Variants in MACROD2 observed in about 807,000 individuals in gnomAD.
MACROD2 encodes the protein ADP-ribose glycohydrolase MACROD2.
In MACROD2, 36 loss-of-function variants were observed where a neutral mutation model predicts 70.4. That is an observed-to-expected ratio of 0.51 (90% CI 0.39 to 0.68). The LOEUF is 0.68. MACROD2 is among the 30% of genes least tolerant of loss of function. MACROD2 has a pLI of 0.00. For missense variants in MACROD2, 496 were observed against 538.4 expected, an observed-to-expected ratio of 0.92 and a Z score of 0.78; for synonymous variants, 172 against 178.8, an observed-to-expected ratio of 0.96 and a Z score of 0.30.
chr20:15,699,296 T>C (rs2050421257), intron 8 of MACROD2, among the ~76,000 whole-genome samples: 1 of 152,190 alleles, frequency 6.6e-6, no homozygotes, highest in East Asian at 1.9e-4. Flanking sequence ...TCTCCCTCTC[T>C]TCCTGTGGAT....
At chr20:15,081,251 C>A (rs1030299611) in intron 5 of MACROD2, among the ~76,000 whole-genome samples, 1 of 152,076 alleles carries the variant, frequency 6.6e-6, no homozygotes, top group Admixed American at 6.6e-5. Context: ...GGAACACAGC[C>A]ATGCTCATTT....
intron 8 of MACROD2, among the ~76,000 whole-genome samples, chr20:15,669,998 C>G (rs1311359531): frequency 1.3e-5 from 2 of 152,158 alleles, no homozygotes; most frequent in Non-Finnish European, 2.9e-5. Flanking sequence ...CTTTTATTAC[C>G]CTCATTTTAG....
intron 5 of MACROD2, among the ~76,000 whole-genome samples, chr20:14,861,986 T>C (rs1340363992): frequency 1.5e-5 from 1 of 65,668 alleles, no homozygotes; most frequent in African/African-American, 6.7e-5. Flanking sequence ...AATATATATA[T>C]ATATATTTAT....
intron 5 of MACROD2, among the ~76,000 whole-genome samples, chr20:14,802,085 C>T (rs1427256788): frequency 6.6e-6 from 1 of 151,974 alleles, no homozygotes; most frequent in African/African-American, 2.4e-5. Flanking sequence ...CTGGCAAGGG[C>T]ATCTCGGCCC....
intron 15 of MACROD2, among the ~76,000 whole-genome samples, chr20:15,997,647 A>G (rs1035659618): frequency 1.3e-5 from 2 of 152,192 alleles, no homozygotes; most frequent in Admixed American, 6.5e-5. Context: ...AGAGAAAATC[A>G]TAATTCTTCC....
intron 5 of MACROD2, among the ~76,000 whole-genome samples, chr20:15,084,084 T>TGTTTTTTTTTA (rs6147298): frequency 8.1e-6 from 1 of 123,512 alleles, no homozygotes; most frequent in East Asian, 2.2e-4. Context: ...TTTTTTTTTT[T>TGTTTTTTTTTA]AATGAAGTTT....
chr20:14,846,258 C>T (rs913818909), intron 5 of MACROD2, among the ~76,000 whole-genome samples: 2 of 151,904 alleles, frequency 1.3e-5, no homozygotes, highest in African/African-American at 2.4e-5. Flanking sequence ...TCGCACTGCA[C>T]ACTGTCACCT....
At chr20:16,007,019 C>A (rs955946664) in intron 15 of MACROD2, among the ~76,000 whole-genome samples, 14 of 152,104 alleles carry the variant, frequency 9.2e-5, no homozygotes, top group Non-Finnish European at 2.1e-4. Context: ...GAGGAAAATT[C>A]CTTGTAAAAC....
intron 15 of MACROD2, among the ~76,000 whole-genome samples, chr20:16,013,418 G>T (rs890216262): frequency 6.6e-5 from 10 of 152,254 alleles, no homozygotes; most frequent in South Asian, 6.2e-4. Context: ...GAAGATGTCT[G>T]TACTTTACCT....
chr20:14,553,511 A>G (rs145283334), intron 4 of MACROD2, among the ~76,000 whole-genome samples: 5 of 151,894 alleles, frequency 3.3e-5, no homozygotes, highest in African/African-American at 1.2e-4. Flanking sequence ...TTCATTATCA[A>G]TTATTATGTA....
intron 3 of MACROD2, among the ~76,000 whole-genome samples, chr20:14,346,139 C>T (rs1381030026): frequency 1.4e-5 from 2 of 146,030 alleles, no homozygotes; most frequent in Non-Finnish European, 3.0e-5. Flanking sequence ...GAGAGCAATT[C>T]CCTTGTGAAA....
chr20:15,505,328 G>A (rs143972787), intron 8 of MACROD2, among the ~76,000 whole-genome samples: 88 of 152,244 alleles, frequency 5.8e-4, no homozygotes, highest in African/African-American at 2.0e-3. Flanking sequence ...CTGAGCTGGA[G>A]GATCAGTGGA....
intron 5 of MACROD2, among the ~76,000 whole-genome samples, chr20:15,084,180 C>T (rs1568565116): frequency 6.6e-6 from 1 of 151,804 alleles, no homozygotes; most frequent in East Asian, 1.9e-4. Context: ...ATTCTCCTGC[C>T]TCAGCTTCCC....
chr20:15,543,580 C>T (rs2047987061), intron 8 of MACROD2, among the ~76,000 whole-genome samples: 1 of 150,630 alleles, frequency 6.6e-6, no homozygotes, highest in African/African-American at 2.4e-5. Flanking sequence ...TCCTTCCAAG[C>T]AATGAGGTAA....
At chr20:14,315,109 G>C (rs1035080237) in intron 3 of MACROD2, among the ~76,000 whole-genome samples, 2 of 152,172 alleles carry the variant, frequency 1.3e-5, no homozygotes, top group African/African-American at 4.8e-5. Context: ...ACAATAAAGA[G>C]CAAGATAGAA....
At chr20:15,975,080 A>G (rs967550757) in intron 13 of MACROD2, among the ~76,000 whole-genome samples, 4 of 152,166 alleles carry the variant, frequency 2.6e-5, no homozygotes, top group Non-Finnish European at 1.5e-5. Flanking sequence ...ACAATCTAAG[A>G]GCAAAACGGA....
chr20:14,278,515 T>C (rs1163213224), intron 3 of MACROD2, among the ~76,000 whole-genome samples: 1 of 152,202 alleles, frequency 6.6e-6, no homozygotes, highest in East Asian at 1.9e-4. Flanking sequence ...TTGCTCTAAG[T>C]TTTAGCCATC....
chr20:16,028,017 C>T (rs2067103607), intron 15 of MACROD2, among the ~76,000 whole-genome samples: 1 of 152,190 alleles, frequency 6.6e-6, no homozygotes, highest in South Asian at 2.1e-4. Flanking sequence ...AAAAGCCAGA[C>T]ATGTGGAATG....
chr20:15,818,697 C>G (rs561701398), intron 8 of MACROD2, among the ~76,000 whole-genome samples: 2 of 152,280 alleles, frequency 1.3e-5, no homozygotes, highest in Non-Finnish European at 2.9e-5. Flanking sequence ...TACCCAGTCT[C>G]TATTCAGGAT....
Sources: allele counts gnomAD v4.1 joint callset (sites outside exome capture counted in the v4.1 genomes callset), GRCh38; gene constraint gnomAD v4.1.1; transcripts MANE v1.5; gene names NCBI Gene and HGNC (gene_info 2026-07-23, HGNC 2026-07-21).